SUMF1: variants seen among roughly 807,000 people sequenced by gnomAD.
SUMF1 encodes formylglycine-generating enzyme.
A neutral mutation model predicts 47.6 loss-of-function variants in SUMF1; 48 were observed. That is an observed-to-expected ratio of 1.01 (90% CI 0.80 to 1.28). SUMF1 has a LOEUF of 1.28. Ranked by LOEUF, SUMF1 falls within the 50% of genes most tolerant of loss-of-function variation. SUMF1 has a pLI of 0.00. For synonymous variants in SUMF1, 230 were observed against 192.1 expected, an observed-to-expected ratio of 1.20 and a Z score of -1.63; for missense variants, 571 against 485.4, an observed-to-expected ratio of 1.18 and a Z score of -1.66.
chr3:4,405,615 T>C (rs1701351257), intron 7 of SUMF1, among the ~76,000 whole-genome samples: 1 of 152,178 alleles, frequency 6.6e-6, no homozygotes, highest in Non-Finnish European at 1.5e-5. Flanking sequence ...CTCAAACTCC[T>C]GAGCTCAAGC....
intron 8 of SUMF1, among the ~76,000 whole-genome samples, chr3:4,366,316 A>C (rs1699955562): frequency 6.6e-6 from 1 of 152,184 alleles, no homozygotes; most frequent in African/African-American, 2.4e-5. Flanking sequence ...GAGTGTTTCC[A>C]ACTTGGTTCC....
chr3:4,420,664 GGGATTACA>G (rs1287877753), intron 3 of SUMF1, among the ~76,000 whole-genome samples: 8 of 152,080 alleles, frequency 5.3e-5, no homozygotes, highest in African/African-American at 1.7e-4. Context: ...CCAAAGTGCT[GGGATTACA>G]GGAGTGAGCC....
chr3:4,202,383 T>C (rs758122226), intron 8 of SUMF1, among the ~76,000 whole-genome samples: 1 of 152,058 alleles, frequency 6.6e-6, no homozygotes, highest in African/African-American at 2.4e-5. Flanking sequence ...GTGTATGTTC[T>C]TGGCACCTCT....
chr3:4,073,786 T>C (rs1486164286), intron 8 of SUMF1, among the ~76,000 whole-genome samples: 2 of 152,106 alleles, frequency 1.3e-5, no homozygotes, highest in African/African-American at 2.4e-5. Flanking sequence ...CAAGAAGAGC[T>C]AACTATCCTA....
intron 8 of SUMF1, among the ~76,000 whole-genome samples, chr3:4,226,284 T>C (rs1312727670): frequency 1.6e-5 from 2 of 124,734 alleles, no homozygotes; most frequent in Non-Finnish European, 3.3e-5. Flanking sequence ...TTTTTTTTTT[T>C]TTTGAGACAG....
At chr3:4,201,070 G>A (rs1695530833) in intron 8 of SUMF1, among the ~76,000 whole-genome samples, 1 of 151,958 alleles carries the variant, frequency 6.6e-6, no homozygotes, top group Non-Finnish European at 1.5e-5. Context: ...GGCATACAAT[G>A]TGCAATAATC....
chr3:4,162,065 G>A (rs907503532), intron 8 of SUMF1, among the ~76,000 whole-genome samples: 1 of 152,082 alleles, frequency 6.6e-6, no homozygotes, highest in African/African-American at 2.4e-5. Context: ...CAAGGCAGCA[G>A]TTTCCCTTCT....
chr3:4,164,035 T>G (rs1694643357), intron 8 of SUMF1, among the ~76,000 whole-genome samples: 1 of 152,130 alleles, frequency 6.6e-6, no homozygotes, highest in African/African-American at 2.4e-5. Context: ...CCTCCTCAAG[T>G]AGGGAACAAC....
Position 4,362,092 on chromosome 3 carries a change from A to T in SUMF1, c.*52T>A, listed in dbSNP as rs1324335674. The stretch of plus-strand genomic sequence containing the variant: ...CGTTCAAAGTTCTGAGAAAAGCCCA[A>T]TGTAGGTCAGACACGACTGCTCCTT... On this transcript the variant is annotated 3_prime_UTR_variant, in exon 9 of 9. Transcript: ENST00000272902. 4 of 1,545,056 alleles carry T rather than the reference A, an allele frequency of 2.6e-6. No individual in the cohort carries two copies. Among genetic ancestry groups the T allele is most frequent in the Admixed American group, 3.3e-5 (2 of 59,830 alleles).
chr3:4,448,863 A>C (rs1702872705), intron 3 of SUMF1, among the ~76,000 whole-genome samples: 2 of 152,216 alleles, frequency 1.3e-5, no homozygotes, highest in Admixed American at 1.3e-4. Flanking sequence ...AAAAATGTTT[A>C]AGGAAGCTCT....
intron 9 of SUMF1, among the ~76,000 whole-genome samples, chr3:4,063,895 T>C (rs1695320579): frequency 6.6e-6 from 1 of 152,188 alleles, no homozygotes; most frequent in Admixed American, 6.5e-5. Flanking sequence ...CATAGATTGG[T>C]AGCTTAGAAA....
intron 8 of SUMF1, 109 bp downstream of exon 8, chr3:4,376,221 G>C: frequency 1.5e-6 from 2 of 1,320,820 alleles, no homozygotes; most frequent in Non-Finnish European, 2.2e-6. Flanking sequence ...AGTGGGGTTA[G>C]GTAGGCATTT....
intron 8 of SUMF1, among the ~76,000 whole-genome samples, chr3:4,080,971 T>C (rs1262110576): frequency 1.3e-5 from 2 of 152,144 alleles, no homozygotes; most frequent in African/African-American, 2.4e-5. Context: ...TTACCTCAGT[T>C]TGCTCAACTG....
At position 4,466,947 on chromosome 3, in the gene SUMF1, C is replaced by G. The variant is rs777358073; in HGVS notation, c.270+29G>C. The G allele has an allele frequency of 9.4e-6, 15 of 1,603,024 alleles. No individual in the cohort carries two copies. The East Asian group carries it at 3.4e-4, about 36-fold the overall frequency. On this transcript the variant is annotated intron_variant, in intron 1 of 8. Transcript: ENST00000272902. ...CCCCGTCCAGGAACCGAGCAGCCCCCACCCGCCTCGGAGGAATCGATGGAG... is the reference window on the plus strand; with the variant it reads ...CCCCGTCCAGGAACCGAGCAGCCCCGACCCGCCTCGGAGGAATCGATGGAG...
At chr3:4,457,148 G>C (rs1224961407) in intron 1 of SUMF1, among the ~76,000 whole-genome samples, 1 of 149,140 alleles carries the variant, frequency 6.7e-6, no homozygotes, top group Admixed American at 6.8e-5. Flanking sequence ...CACCATGTTA[G>C]CCAGGATGGT....
At chr3:4,132,202 G>A (rs1034678679) in intron 8 of SUMF1, among the ~76,000 whole-genome samples, 5 of 152,064 alleles carry the variant, frequency 3.3e-5, no homozygotes, top group Admixed American at 6.6e-5. Context: ...ACCATCCATG[G>A]ACTCACAGAA....
chr3:4,254,226 A>G (rs369691325), intron 8 of SUMF1, among the ~76,000 whole-genome samples: 3,343 of 152,034 alleles, frequency 0.022, 115 homozygotes, highest in African/African-American at 0.073. Flanking sequence ...CCAAAGGAAC[A>G]CAGTTCCTCA....
intron 8 of SUMF1, among the ~76,000 whole-genome samples, chr3:4,352,867 G>C (rs762645876): frequency 6.6e-6 from 1 of 152,088 alleles, no homozygotes; most frequent in Non-Finnish European, 1.5e-5. Flanking sequence ...CTTCTGAACA[G>C]TTAATTTAAC....
At chr3:4,039,807 T>C (rs1261055496) in intron 9 of SUMF1, among the ~76,000 whole-genome samples, 1 of 152,060 alleles carries the variant, frequency 6.6e-6, no homozygotes, top group East Asian at 1.9e-4. Context: ...GATCACTTGA[T>C]GCCAGGAGTT....
Sources: allele counts gnomAD v4.1 joint callset (sites outside exome capture counted in the v4.1 genomes callset), GRCh38; gene constraint gnomAD v4.1.1; transcripts MANE v1.5; gene names NCBI Gene and HGNC (gene_info 2026-07-23, HGNC 2026-07-21).